The following IL1RAPL2 variants were observed in gnomAD, a reference collection of about 807,000 sequenced individuals.
IL1RAPL2 encodes X-linked interleukin-1 receptor accessory protein-like 2.
A neutral mutation model predicts 44.1 loss-of-function variants in IL1RAPL2; 3 were observed. That is an observed-to-expected ratio of 0.07 (90% CI 0.03 to 0.18). The LOEUF is 0.18. Ranked by LOEUF, IL1RAPL2 falls within the 10% of genes least tolerant of loss-of-function variation. The pLI is 1.00. For missense variants in IL1RAPL2, 391 were observed against 496.4 expected (o/e 0.79, Z 2.02); for synonymous variants, 181 against 178.8 (o/e 1.01, Z -0.10).
At chrX:105,662,671 T>C (rs1381149031) in intron 6 of IL1RAPL2, among the ~76,000 whole-genome samples, 1 of 111,641 alleles carries the variant, frequency 9.0e-6, no homozygotes, top group Non-Finnish European at 1.9e-5. Flanking sequence ...GTCTTCCTCC[T>C]CACTGGCTCT....
chrX:105,004,739 A>G (rs1300416868), intron 2 of IL1RAPL2, among the ~76,000 whole-genome samples: 21 of 110,983 alleles, frequency 1.9e-4, no homozygotes, highest in African/African-American at 6.2e-4. Flanking sequence ...ATTTTCACCT[A>G]TTTTTAATAA....
intron 5 of IL1RAPL2, among the ~76,000 whole-genome samples, chrX:105,292,748 A>C (rs989731309): frequency 4.5e-5 from 5 of 111,510 alleles, no homozygotes; most frequent in African/African-American, 1.6e-4. Context: ...CCTCAGTTTT[A>C]ATTTTTAATA....
At chrX:105,616,694 G>A (rs2037379138) in intron 6 of IL1RAPL2, among the ~76,000 whole-genome samples, 1 of 110,530 alleles carries the variant, frequency 9.0e-6, no homozygotes. Flanking sequence ...GTCAAATATG[G>A]GTGTGGCAGA....
chrX:105,670,139 ATATATAT>A lies in IL1RAPL2; in HGVS notation c.773-47227_773-47221del, dbSNP rs1256315431. Among the ~76,000 whole-genome samples, 55 of 52,806 alleles carry A rather than the reference ATATATAT, an allele frequency of 1.0e-3. 4 individuals carry two copies. Among genetic ancestry groups the A allele is most frequent in the African/African-American group, 1.6e-3 (23 of 14,253 alleles). The allele number at this position is 52,806 out of a possible 115,157, so 45.9% of individuals were successfully genotyped here. On this transcript the variant is annotated intron_variant, in intron 6 of 10. Coordinates refer to ENST00000372582, the MANE Select transcript of IL1RAPL2 (RefSeq NM_017416.2). Reference sequence around the variant, plus strand: ...TATATATATATATATATATATATATATATATATATCTCCACCAGACCACACAGTCTTG... The same window carrying A: ...TATATATATATATATATATATATATAATCTCCACCAGACCACACAGTCTTG...
intron 2 of IL1RAPL2, among the ~76,000 whole-genome samples, chrX:104,989,766 C>T (rs2030627648): frequency 9.0e-6 from 1 of 111,326 alleles, no homozygotes; most frequent in African/African-American, 3.3e-5. Context: ...AAATTATTTC[C>T]CAAACCATTT....
At chrX:105,653,359 G>A (rs2147844020) in intron 6 of IL1RAPL2, among the ~76,000 whole-genome samples, 1 of 111,458 alleles carries the variant, frequency 9.0e-6, no homozygotes, top group East Asian at 2.8e-4. Context: ...GCATAGTAAT[G>A]GCATCACAGA....
chrX:105,467,770 G>A (rs1228435895), intron 5 of IL1RAPL2, among the ~76,000 whole-genome samples: 2 of 111,768 alleles, frequency 1.8e-5, no homozygotes, highest in Non-Finnish European at 3.8e-5. Context: ...TTGGAAACAG[G>A]AACCAGGAGG....
intron 2 of IL1RAPL2, among the ~76,000 whole-genome samples, chrX:104,702,000 C>A (rs1277965816): frequency 9.0e-6 from 1 of 111,178 alleles, no homozygotes; most frequent in Non-Finnish European, 1.9e-5. Flanking sequence ...TGAATGTACT[C>A]CTTATCCCTA....
chrX:104,866,913 T>G (rs1052527406), intron 2 of IL1RAPL2, among the ~76,000 whole-genome samples: 1 of 111,191 alleles, frequency 9.0e-6, no homozygotes, highest in Non-Finnish European at 1.9e-5. Flanking sequence ...AGGCTATCTA[T>G]CCTAGTATAT....
chrX:105,510,014 AAAAT>A (rs1308887999), intron 6 of IL1RAPL2, among the ~76,000 whole-genome samples: 1 of 110,022 alleles, frequency 9.1e-6, no homozygotes, highest in African/African-American at 3.3e-5. Context: ...TCTACAAAAA[AAAAT>A]AAATAAATAA....
At chrX:105,416,511 T>C (rs2035734217) in intron 5 of IL1RAPL2, among the ~76,000 whole-genome samples, 1 of 112,423 alleles carries the variant, frequency 8.9e-6, no homozygotes, top group African/African-American at 3.2e-5. Flanking sequence ...AAAATGATGG[T>C]ACTTCTTCAT....
chrX:105,576,017 G>T (rs988015050), intron 6 of IL1RAPL2, among the ~76,000 whole-genome samples: 2 of 111,081 alleles, frequency 1.8e-5, no homozygotes, highest in Non-Finnish European at 3.8e-5. Flanking sequence ...TTTTAATGGG[G>T]TTGTTTTTTG....
chrX:104,582,813 C>CTTTCTTTCT (rs1569487661), intron 1 of IL1RAPL2, among the ~76,000 whole-genome samples: 1 of 47,376 alleles, frequency 2.1e-5, no homozygotes, highest in African/African-American at 1.1e-4. Flanking sequence ...CTCTTTCTCT[C>CTTTCTTTCT]CTTTCTTTCT....
Position 105,196,127 on chromosome X carries a change from C to T in IL1RAPL2, c.356+379C>T, listed in dbSNP as rs1260224102. Among the ~76,000 whole-genome samples the T allele has an allele frequency of 3.6e-5, 4 of 109,845 alleles. No homozygotes were observed. The East Asian group carries it at 1.2e-3, about 32-fold the overall frequency. On this transcript the variant is annotated intron_variant, in intron 3 of 10. Coordinates refer to ENST00000372582, the MANE Select transcript of IL1RAPL2 (RefSeq NM_017416.2). ...TGAAACCCTGTCTCTACTAAAAATACAAAAATTAGCCAGGCATGGTGGCAG... is the reference window on the plus strand; with the variant it reads ...TGAAACCCTGTCTCTACTAAAAATATAAAAATTAGCCAGGCATGGTGGCAG...
intron 10 of IL1RAPL2, among the ~76,000 whole-genome samples, chrX:105,759,556 A>C (rs2038669486): frequency 8.9e-6 from 1 of 112,510 alleles, no homozygotes; most frequent in African/African-American, 3.2e-5. Flanking sequence ...TATATTCATG[A>C]ATTTAGCCTC....
At chrX:105,139,746 C>G (rs1418115779) in intron 2 of IL1RAPL2, among the ~76,000 whole-genome samples, 1 of 112,109 alleles carries the variant, frequency 8.9e-6, no homozygotes, top group Non-Finnish European at 1.9e-5. Context: ...TGACTTCCAA[C>G]TACTACCAAA....
At chrX:105,332,270 G>C (rs1462093317) in intron 5 of IL1RAPL2, among the ~76,000 whole-genome samples, 2 of 109,999 alleles carry the variant, frequency 1.8e-5, no homozygotes, top group African/African-American at 3.3e-5. Context: ...TGCATTTGTT[G>C]CTGGTCCCCA....
chrX:104,579,052 G>GA (rs1928294417), intron 1 of IL1RAPL2, among the ~76,000 whole-genome samples: 1 of 111,625 alleles, frequency 9.0e-6, no homozygotes, highest in Non-Finnish European at 1.9e-5. Flanking sequence ...TAAACATGGA[G>GA]ATACATAACA....
intron 2 of IL1RAPL2, among the ~76,000 whole-genome samples, chrX:104,968,426 A>G (rs1284499427): frequency 4.5e-4 from 50 of 112,090 alleles, no homozygotes; most frequent in Non-Finnish European, 1.5e-4. Flanking sequence ...ATCTGTTGCA[A>G]TCATCATGTT....
Sources: gnomAD v4.1 joint callset for allele counts (sites outside exome capture counted in the v4.1 genomes callset) on GRCh38, gnomAD v4.1.1 for gene constraint, MANE v1.5 for transcripts, NCBI Gene and HGNC (gene_info 2026-07-23, HGNC 2026-07-21) for gene names.